Variants in TAF7L observed in about 807,000 individuals in gnomAD.
TAF7L encodes the protein TATA-box binding protein associated factor 7 like, also known as transcription initiation factor TFIID subunit 7-like.
Under a neutral mutation model 30.2 loss-of-function variants are expected in TAF7L, and 6 were observed. The ratio of observed to expected loss-of-function variants is 0.20; its 90% confidence interval spans 0.11 to 0.39. The LOEUF is 0.39. Among genes scored for constraint, TAF7L ranks in the 10% least tolerant of loss-of-function variants. The pLI is 1.00. For missense variants in TAF7L, 284 were observed against 277.1 expected (o/e 1.03, Z -0.18); for synonymous variants, 93 against 94.5 (o/e 0.98, Z 0.09).
chrX:101,268,652 A>C lies in TAF7L; in HGVS notation c.*541T>G, dbSNP rs1923869213. 8.9e-6 allele frequency: 1 copy of C among 112,274 alleles called. No individual in the cohort carries two copies. Among genetic ancestry groups the C allele is most frequent in the Admixed American group, 9.5e-5 (1 of 10,524 alleles). The allele number at this position is 112,274 out of a possible 1,213,427, so 9.3% of individuals were successfully genotyped here. A position where few individuals can be genotyped will look rare whatever the true frequency, so the allele number is the denominator to read the frequency against. On this transcript the variant is annotated 3_prime_UTR_variant, in exon 13 of 13. Coordinates refer to ENST00000356784, the MANE Select transcript of TAF7L (RefSeq NM_001168474.2). ...ATGGCAGGTCCTAGTGCTTAGTAGA[A>C]ATGACCTCGTTTTTTCCCCTATGTT...
At chrX:101,279,482 ATGGTGGCCCATGCCTGTAATCC>A (rs753289069) in intron 6 of TAF7L, among the ~76,000 whole-genome samples, 1 of 110,746 alleles carries the variant, frequency 9.0e-6, no homozygotes, top group South Asian at 3.8e-4. Flanking sequence ...TTAGCCGGGC[ATGGTGGCCCATGCCTGTAATCC>A]TGGCTACTTG....
At chrX:101,271,561 T>C (rs1923966046) in intron 12 of TAF7L, among the ~76,000 whole-genome samples, 1 of 111,968 alleles carries the variant, frequency 8.9e-6, no homozygotes, top group African/African-American at 3.2e-5. Flanking sequence ...TTACTATGAA[T>C]AGAGCTTGCA....
chrX:101,290,112 G>A (rs894726954), intron 1 of TAF7L, among the ~76,000 whole-genome samples: 1 of 109,890 alleles, frequency 9.1e-6, no homozygotes, highest in Non-Finnish European at 1.9e-5. Flanking sequence ...CAGGAGAATT[G>A]CTTGAACCCA....
intron 12 of TAF7L, among the ~76,000 whole-genome samples, chrX:101,270,568 G>T (rs1289313880): frequency 9.0e-6 from 1 of 111,150 alleles, no homozygotes; most frequent in Non-Finnish European, 1.9e-5. Flanking sequence ...CTGTGTATGG[G>T]CCTCTCTCCA....
Position 101,268,307 on chromosome X carries a change from C to CTAA in TAF7L, c.*883_*885dup, listed in dbSNP as rs201307670. ...CTTAAAGAACATAGACCATAAAACA[C>CTAA]TAATAATATACCTAGAAAAAAACCC... On this transcript the variant is annotated 3_prime_UTR_variant, in exon 13 of 13. Transcript: ENST00000356784. The CTAA allele has an allele frequency of 8.9e-6, 1 of 111,892 alleles. No individual in the cohort carries two copies. The highest frequency in any genetic ancestry group is 2.8e-4 in the East Asian group (1 of 3,572). The allele number at this position is 111,892 out of a possible 1,213,427, so 9.2% of individuals were successfully genotyped here. A position where few individuals can be genotyped will look rare whatever the true frequency, so the allele number is the denominator to read the frequency against.
rs1477084127 is a variant in TAF7L, at chrX:101,288,862, C to A, written c.-2-1317G>T. Among the ~76,000 whole-genome samples the A allele has an allele frequency of 2.5e-4, 28 of 111,090 alleles. No homozygotes were observed. The Admixed American group carries it at 2.7e-3, about 11-fold the overall frequency. On this transcript the variant is annotated intron_variant, in intron 1 of 12. Transcript: ENST00000356784. ...ATCAATCTAATGAGCACATCCATCA[C>A]CTTAAATACTTATCAGTTATTCCCC...
chrX:101,273,448 G>A (rs1485502455), intron 12 of TAF7L, among the ~76,000 whole-genome samples: 2 of 111,131 alleles, frequency 1.8e-5, no homozygotes, highest in African/African-American at 6.5e-5. Context: ...AATTAGCCGG[G>A]CATGGTGGCA....
intron 9 of TAF7L, among the ~76,000 whole-genome samples, chrX:101,277,287 C>T (rs138012143): frequency 0.011 from 1,135 of 103,749 alleles, 17 homozygotes; most frequent in African/African-American, 0.038. Context: ...GGTGAAACCC[C>T]GACGCTAGTA....
intron 3 of TAF7L, among the ~76,000 whole-genome samples, chrX:101,286,324 A>T (rs192069381): frequency 1.3e-3 from 146 of 111,816 alleles, no homozygotes; most frequent in African/African-American, 4.6e-3. Flanking sequence ...CCAGCAGTAT[A>T]AAAACCCCAC....
chrX:101,279,143 T>G lies in TAF7L; in HGVS notation c.463-108A>C. The G allele has an allele frequency of 6.7e-6, 4 of 600,639 alleles. No homozygotes were observed. The East Asian group carries it at 1.3e-4, about 20-fold the overall frequency. The allele number at this position is 600,639 out of a possible 1,213,427, so 49.5% of individuals were successfully genotyped here. ...ACTTAGTTTTACATTTAGTAGGCACTCAATAAATGTTGATTTACAGAGTAT... is the reference window on the plus strand; with the variant it reads ...ACTTAGTTTTACATTTAGTAGGCACGCAATAAATGTTGATTTACAGAGTAT... On this transcript the variant is annotated intron_variant, in intron 6 of 12. Transcript: ENST00000356784.
intron 6 of TAF7L, among the ~76,000 whole-genome samples, chrX:101,279,522 G>A (rs1265545513): frequency 1.3e-4 from 14 of 111,324 alleles, no homozygotes; most frequent in Non-Finnish European, 1.1e-4. Context: ...TTGGGAGGCT[G>A]AGGCATGAGA....
At chrX:101,269,590 A>T (rs1476414716) in intron 12 of TAF7L, among the ~76,000 whole-genome samples, 1 of 111,856 alleles carries the variant, frequency 8.9e-6, no homozygotes, top group Non-Finnish European at 1.9e-5. Context: ...GGCAAGGAGG[A>T]GCAAGTCATA....
rs1923863828 is a variant in TAF7L, at chrX:101,268,484, TAA to T, written c.*707_*708del. 1 of 111,606 alleles carries T rather than the reference TAA, an allele frequency of 9.0e-6. No individual in the cohort carries two copies. The highest frequency in any genetic ancestry group is 1.9e-5 in the Non-Finnish European group (1 of 53,201). 9.2% of individuals were successfully genotyped at this position (111,606 alleles called of 1,213,427 possible). A position where few individuals can be genotyped will look rare whatever the true frequency, so the allele number is the denominator to read the frequency against. ...TCTAACTGTTCCCTTAGTTGGTGAA[TAA>T]CAACCAGCTCCATCCTAAAAACAAC... On this transcript the variant is annotated 3_prime_UTR_variant, in exon 13 of 13. Transcript: ENST00000356784.
chrX:101,273,552 G>A (rs1924052498), intron 12 of TAF7L, among the ~76,000 whole-genome samples: 1 of 110,738 alleles, frequency 9.0e-6, no homozygotes, highest in Non-Finnish European at 1.9e-5. Flanking sequence ...TTGTGCCACT[G>A]CACTCCAGCC....
chrX:101,287,591 ACTC>A (rs1453740274), intron 1 of TAF7L, 46 bp from the exon 2 acceptor site: 2 of 1,056,303 alleles, frequency 1.9e-6, no homozygotes, highest in Admixed American at 2.3e-5. Context: ...ATCACTAAAA[ACTC>A]CTCTTGCTCC....
intron 10 of TAF7L, 72 bp from the exon 11 acceptor site, chrX:101,276,184 A>G: frequency 8.6e-7 from 1 of 1,164,839 alleles, no homozygotes. Flanking sequence ...AAATCAAGTA[A>G]AACTCTACTA....
intron 12 of TAF7L, among the ~76,000 whole-genome samples, chrX:101,271,321 C>T (rs1014741808): frequency 2.5e-4 from 28 of 111,339 alleles, no homozygotes; most frequent in African/African-American, 7.8e-4. Context: ...TGTCATGACG[C>T]GAACATGATA....
intron 7 of TAF7L, among the ~76,000 whole-genome samples, chrX:101,278,595 A>G (rs1176866860): frequency 1.8e-5 from 2 of 112,311 alleles, no homozygotes; most frequent in Non-Finnish European, 3.8e-5. Flanking sequence ...CCTTGAATCC[A>G]GTTTTACATA....
chrX:101,292,256 T>TAA (rs1217209786), upstream of TAF7L, among the ~76,000 whole-genome samples: 2 of 14,107 alleles, frequency 1.4e-4, no homozygotes, highest in African/African-American at 1.0e-3. Context: ...AAAAAATAAA[T>TAA]AAAAAAAATA....
Sources: gnomAD v4.1 joint callset for allele counts (sites outside exome capture counted in the v4.1 genomes callset) on GRCh38, gnomAD v4.1.1 for gene constraint, MANE v1.5 for transcripts, NCBI Gene and HGNC (gene_info 2026-07-23, HGNC 2026-07-21) for gene names.